The following ASXL2 variants were observed in gnomAD, a reference collection of about 807,000 sequenced individuals.
The protein encoded by ASXL2 is putative Polycomb group protein ASXL2.
A neutral mutation model predicts 122.0 loss-of-function variants in ASXL2; 23 were observed. That is an observed-to-expected ratio of 0.19 (90% CI 0.14 to 0.27). ASXL2 has a LOEUF of 0.27. Among genes scored for constraint, ASXL2 ranks in the 10% least tolerant of loss-of-function variants. The pLI, the probability that ASXL2 is intolerant of heterozygous loss-of-function variation, is 1.00. For synonymous variants in ASXL2, 650 were observed against 637.0 expected, an observed-to-expected ratio of 1.02 and a Z score of -0.31; for missense variants, 1,518 against 1,713.8, an observed-to-expected ratio of 0.89 and a Z score of 2.02.
intron 2 of ASXL2, 180 bp downstream of exon 2, chr2:25,845,301 A>T: frequency 1.8e-6 from 2 of 1,095,658 alleles, no homozygotes; most frequent in Non-Finnish European, 2.6e-6. Context: ...CTTCTGGTTT[A>T]AAACTTTCTG....
intron 5 of ASXL2, among the ~76,000 whole-genome samples, chr2:25,795,789 T>TAAAAA (rs555543324): frequency 2.0e-5 from 3 of 151,088 alleles, no homozygotes; most frequent in South Asian, 4.2e-4. Context: ...AAAATTAAAA[T>TAAAAA]AAAAAAAAAT....
chr2:25,743,234 G>A lies in ASXL2; in HGVS notation c.3103C>T (p.Pro1035Ser). 2 of 1,613,730 alleles carry A rather than the reference G, an allele frequency of 1.2e-6. No homozygotes were observed. Among genetic ancestry groups the A allele is most frequent in the Non-Finnish European group, 1.7e-6 (2 of 1,179,742 alleles). The change falls in exon 13 of 13, where the codon CCC (proline) becomes TCC (serine). Residue 1035 changes from proline (P) to serine (S), a missense_variant. Transcript: ENST00000435504. ...TCCTTAGCTGAAAAGAGCTGAAGGGGCCTTGGAACCTGGGGGAGCTGCTTA... is the reference window on the plus strand; with the variant it reads ...TCCTTAGCTGAAAAGAGCTGAAGGGACCTTGGAACCTGGGGGAGCTGCTTA... ...QSKQLPQVPR[P>S]LQLFSAKELR...
Position 25,742,688 on chromosome 2 carries a change from T to G in ASXL2, c.3649A>C (p.Arg1217=). ...KGDTSSGPHS[R]ETLSTSDCLA... is the part of the protein sequence containing the mutation. The stretch of plus-strand genomic sequence containing the variant: ...CAATCACTGGTAGATAGAGTTTCCC[T>G]GCTGTGAGGTCCTGAACTTGTGTCA... Residue 1217 remains arginine, a synonymous_variant, in exon 13 of 13, where the codon AGG becomes CGG. Coordinates refer to ENST00000435504, the MANE Select transcript of ASXL2 (RefSeq NM_018263.6). 6.2e-7 allele frequency: 1 copy of G among 1,614,002 alleles called. No homozygotes were observed. Among genetic ancestry groups the G allele is most frequent in the Non-Finnish European group, 8.5e-7 (1 of 1,179,882 alleles).
rs1553703323 is a variant in ASXL2, at chr2:25,828,522, A to AAAG, written c.143+7015_143+7016insCTT. Among the ~76,000 whole-genome samples, 6 of 133,276 alleles carry AAAG rather than the reference A, an allele frequency of 4.5e-5. 1 individual carries two copies. Among genetic ancestry groups the AAAG allele is most frequent in the Non-Finnish European group, 8.4e-5 (5 of 59,826 alleles). The allele number at this position is 133,276 out of a possible 152,430, so 87.4% of individuals were successfully genotyped here. The stretch of plus-strand genomic sequence containing the variant: ...AAACTCCATTTCAAAAAAAAAAAAT[A>AAAG]AAAAGAAAAGATCCTTGTCCAGGCC... On this transcript the variant is annotated intron_variant, in intron 3 of 12. Transcript: ENST00000435504.
intron 5 of ASXL2, among the ~76,000 whole-genome samples, chr2:25,789,263 T>C (rs531216823): frequency 1.3e-5 from 2 of 150,142 alleles, no homozygotes; most frequent in East Asian, 3.9e-4. Context: ...CCACTCTATA[T>C]AGTTTTAAGA....
At chr2:25,798,372 G>A (rs1466995049) in intron 5 of ASXL2, among the ~76,000 whole-genome samples, 1 of 152,014 alleles carries the variant, frequency 6.6e-6, no homozygotes, top group East Asian at 1.9e-4. Context: ...AAGACACAGA[G>A]GAACCTTAAA....
intron 2 of ASXL2, among the ~76,000 whole-genome samples, chr2:25,843,839 A>G (rs1363157672): frequency 2.0e-5 from 3 of 149,982 alleles, no homozygotes; most frequent in African/African-American, 7.4e-5. Flanking sequence ...AAAAGAAAGA[A>G]AGAAAGAAAG....
At chr2:25,847,303 A>G (rs1162055401) in intron 1 of ASXL2, among the ~76,000 whole-genome samples, 1 of 152,186 alleles carries the variant, frequency 6.6e-6, no homozygotes, top group African/African-American at 2.4e-5. Context: ...CCCTTCGCAG[A>G]CATCACCTCC....
At chr2:25,793,106 G>A (rs1370685648) in intron 5 of ASXL2, among the ~76,000 whole-genome samples, 4 of 151,886 alleles carry the variant, frequency 2.6e-5, no homozygotes, top group African/African-American at 4.8e-5. Flanking sequence ...GGTGGTGCAC[G>A]CCTGTAGTCC....
chr2:25,855,565 C>G (rs187679868), intron 1 of ASXL2, among the ~76,000 whole-genome samples: 32 of 152,234 alleles, frequency 2.1e-4, no homozygotes, highest in African/African-American at 7.7e-4. Context: ...ACTTGGGAAG[C>G]TGAGGCAGGA....
intron 5 of ASXL2, among the ~76,000 whole-genome samples, chr2:25,795,810 G>C (rs1489944235): frequency 2.0e-5 from 3 of 152,162 alleles, no homozygotes; most frequent in Admixed American, 1.3e-4. Context: ...AAAATGAGGA[G>C]AAGCAGGGGA....
chr2:25,852,108 G>A (rs1212833743), intron 1 of ASXL2, among the ~76,000 whole-genome samples: 1 of 152,182 alleles, frequency 6.6e-6, no homozygotes, highest in Non-Finnish European at 1.5e-5. Flanking sequence ...TTAACCACAG[G>A]AGGGCAGTGT....
chr2:25,867,713 G>A (rs373836727), intron 1 of ASXL2, among the ~76,000 whole-genome samples: 1 of 152,076 alleles, frequency 6.6e-6, no homozygotes, highest in African/African-American at 2.4e-5. Context: ...TGGCCCAACC[G>A]ACCTTTTCTG....
At chr2:25,869,483 C>T (rs969933940) in intron 1 of ASXL2, among the ~76,000 whole-genome samples, 1 of 152,114 alleles carries the variant, frequency 6.6e-6, no homozygotes, top group Non-Finnish European at 1.5e-5. Flanking sequence ...AGCACAAAGT[C>T]TTACTGGCAT....
intron 5 of ASXL2, among the ~76,000 whole-genome samples, chr2:25,779,008 T>C (rs999078495): frequency 6.6e-6 from 1 of 152,014 alleles, no homozygotes; most frequent in African/African-American, 2.4e-5. Context: ...GAAGTCATCA[T>C]TTAGAAAGAG....
intron 1 of ASXL2, among the ~76,000 whole-genome samples, chr2:25,846,708 C>T (rs1297791040): frequency 2.0e-5 from 3 of 152,114 alleles, no homozygotes; most frequent in East Asian, 3.9e-4. Context: ...TTTAGCTACT[C>T]GGGAGGCCGA....
intron 1 of ASXL2, among the ~76,000 whole-genome samples, chr2:25,850,671 C>G (rs533208532): frequency 1.1e-3 from 167 of 152,214 alleles, no homozygotes; most frequent in Non-Finnish European, 1.7e-3. Context: ...ATAAAGTTTC[C>G]CATCAGCATT....
chr2:25,811,053 AATAC>A (rs2089161906), intron 3 of ASXL2, among the ~76,000 whole-genome samples: 1 of 54,128 alleles, frequency 1.8e-5, no homozygotes, highest in African/African-American at 5.5e-5. Context: ...AAAATACAAA[AATAC>A]ACACACACAC....
chr2:25,791,194 A>C (rs2088827425), intron 5 of ASXL2, among the ~76,000 whole-genome samples: 1 of 152,010 alleles, frequency 6.6e-6, no homozygotes, highest in Non-Finnish European at 1.5e-5. Context: ...AATTTTCCTA[A>C]GAAACTTTGT....
Sources: gnomAD v4.1 joint callset for allele counts (sites outside exome capture counted in the v4.1 genomes callset) on GRCh38, gnomAD v4.1.1 for gene constraint, MANE v1.5 for transcripts, NCBI Gene and HGNC (gene_info 2026-07-23, HGNC 2026-07-21) for gene names.